The following IQCK variants were observed in gnomAD, a reference collection of about 807,000 sequenced individuals.
The protein encoded by IQCK is IQ domain-containing protein K.
In IQCK, 29 loss-of-function variants were observed where a neutral mutation model predicts 28.1. That is an observed-to-expected ratio of 1.03 (90% CI 0.77 to 1.41). The LOEUF (loss-of-function observed/expected upper bound fraction) is 1.41. Ranked by LOEUF, IQCK falls within the 40% of genes most tolerant of loss-of-function variation. The pLI is 0.00. For synonymous variants in IQCK, 113 were observed against 115.1 expected (o/e 0.98, Z 0.12); for missense variants, 359 against 314.7 (o/e 1.14, Z -1.07).
intron 4 of IQCK, among the ~76,000 whole-genome samples, chr16:19,743,063 C>T (rs1185750162): frequency 1.3e-5 from 2 of 152,110 alleles, no homozygotes; most frequent in Non-Finnish European, 1.5e-5. Flanking sequence ...TCCAGCTACT[C>T]GGGAGGCTGA....
chr16:19,735,595 A>G (rs1037861899), intron 4 of IQCK, 145 bp downstream of exon 4: 2 of 665,330 alleles, frequency 3.0e-6, no homozygotes. Flanking sequence ...TCACTTACCC[A>G]GTTCCAGCCA....
At chr16:19,809,597 C>G (rs1351796082) in intron 7 of IQCK, among the ~76,000 whole-genome samples, 1 of 152,200 alleles carries the variant, frequency 6.6e-6, no homozygotes, top group East Asian at 1.9e-4. Context: ...GTCTATCTGT[C>G]AAAGCCAGTC....
intron 4 of IQCK, among the ~76,000 whole-genome samples, chr16:19,748,556 A>G (rs963801442): frequency 9.2e-5 from 14 of 152,200 alleles, no homozygotes; most frequent in Non-Finnish European, 1.6e-4. Flanking sequence ...GACAGCACTC[A>G]ATACACATTA....
chr16:19,728,377 T>C (rs1977725512), intron 1 of IQCK, among the ~76,000 whole-genome samples: 1 of 152,174 alleles, frequency 6.6e-6, no homozygotes, highest in African/African-American at 2.4e-5. Context: ...GCCTCTCAAG[T>C]TGCTGGGGAT....
intron 1 of IQCK, among the ~76,000 whole-genome samples, chr16:19,721,620 C>G (rs141724071): frequency 6.8e-6 from 1 of 148,008 alleles, no homozygotes; most frequent in East Asian, 2.0e-4. Flanking sequence ...AAGTCTGGCT[C>G]TGTCACCCAG....
At chr16:19,842,510 A>T (rs968571390) in intron 9 of IQCK, among the ~76,000 whole-genome samples, 6 of 152,226 alleles carry the variant, frequency 3.9e-5, no homozygotes, top group Admixed American at 3.9e-4. Context: ...AATGTACTTT[A>T]ACATCTTCTG....
At chr16:19,748,338 GTGCTGGAATT>G (rs1333204193) in intron 4 of IQCK, among the ~76,000 whole-genome samples, 4 of 152,076 alleles carry the variant, frequency 2.6e-5, no homozygotes, top group African/African-American at 9.7e-5. Context: ...GCCTCCCAAA[GTGCTGGAATT>G]ACAGGCATGA....
At chr16:19,751,163 G>A (rs547164381) in intron 4 of IQCK, among the ~76,000 whole-genome samples, 2 of 152,246 alleles carry the variant, frequency 1.3e-5, no homozygotes, top group Non-Finnish European at 2.9e-5. Flanking sequence ...ATGAGATGGG[G>A]TGTGTCAGGC....
intron 4 of IQCK, among the ~76,000 whole-genome samples, chr16:19,739,282 C>T (rs918962906): frequency 1.3e-5 from 2 of 152,210 alleles, no homozygotes; most frequent in African/African-American, 4.8e-5. Flanking sequence ...CCTCAGTCCC[C>T]ACTCTTTCTC....
intron 9 of IQCK, among the ~76,000 whole-genome samples, chr16:19,852,322 C>T (rs1484399761): frequency 6.6e-6 from 1 of 152,052 alleles, no homozygotes; most frequent in Non-Finnish European, 1.5e-5. Flanking sequence ...CTTGAGCCTC[C>T]ACAAGCCTCC....
chr16:19,752,929 A>G (rs1192244162), intron 4 of IQCK, among the ~76,000 whole-genome samples: 1 of 152,186 alleles, frequency 6.6e-6, no homozygotes, highest in Admixed American at 6.5e-5. Context: ...CTGGTGACCC[A>G]GATGATGTCT....
chr16:19,735,688 C>G (rs1265645565), intron 4 of IQCK: 1 of 493,262 alleles, frequency 2.0e-6, no homozygotes, highest in Non-Finnish European at 3.7e-6. Context: ...TGCTTGGCCT[C>G]CTGCCTGCCC....
intron 9 of IQCK, among the ~76,000 whole-genome samples, chr16:19,847,668 T>C (rs1009830961): frequency 6.6e-6 from 1 of 152,218 alleles, no homozygotes; most frequent in Non-Finnish European, 1.5e-5. Context: ...TCAGTTGATC[T>C]TGTATTGTCG....
At chr16:19,855,850 T>G (rs2056552628) in intron 9 of IQCK, among the ~76,000 whole-genome samples, 1 of 152,098 alleles carries the variant, frequency 6.6e-6, no homozygotes, top group African/African-American at 2.4e-5. Flanking sequence ...AAAGATATAT[T>G]AAAAGAGAGG....
At chr16:19,756,171 CTCAA>C (rs778539440) in intron 4 of IQCK, among the ~76,000 whole-genome samples, 6 of 151,976 alleles carry the variant, frequency 3.9e-5, no homozygotes, top group Admixed American at 2.0e-4. Flanking sequence ...GTGATAGTGT[CTCAA>C]TCAATCAATC....
chr16:19,820,742 A>G (rs1320378588), intron 7 of IQCK, among the ~76,000 whole-genome samples: 1 of 152,198 alleles, frequency 6.6e-6, no homozygotes, highest in Non-Finnish European at 1.5e-5. Flanking sequence ...GACAACTTAC[A>G]GAATGGGAGA....
chr16:19,758,656 A>C (rs115707158), intron 4 of IQCK, among the ~76,000 whole-genome samples: 3,884 of 152,310 alleles, frequency 0.026, 154 homozygotes, highest in African/African-American at 0.09. Flanking sequence ...TTTTGGTTAA[A>C]GATGGCTTTT....
intron 6 of IQCK, among the ~76,000 whole-genome samples, chr16:19,779,384 T>C (rs1483563463): frequency 6.6e-6 from 1 of 152,208 alleles, no homozygotes; most frequent in Non-Finnish European, 1.5e-5. Flanking sequence ...ATTTCAGGCC[T>C]GAGCAACTGG....
chr16:19,720,068 A>G lies in IQCK; in HGVS notation c.181+1581A>G, dbSNP rs185198337. On this transcript the variant is annotated intron_variant, in intron 1 of 7. Transcript: ENST00000564186. ...GTAAATGTTTATTGAATGGAAAAAA[A>G]GAATGAATGTACCAGTATATGCGAT... Among the ~76,000 whole-genome samples, 876 of 152,304 alleles carry G rather than the reference A, an allele frequency of 5.8e-3. 4 individuals carry two copies. Among genetic ancestry groups the G allele is most frequent in the Non-Finnish European group, 8.9e-3 (605 of 68,024 alleles).
Sources: gnomAD v4.1 joint callset for allele counts (sites outside exome capture counted in the v4.1 genomes callset) on GRCh38, gnomAD v4.1.1 for gene constraint, MANE v1.5 for transcripts, NCBI Gene and HGNC (gene_info 2026-07-23, HGNC 2026-07-21) for gene names.